The following DNAH14 variants were observed in gnomAD, a reference collection of about 807,000 sequenced individuals.
The protein encoded by DNAH14 is dynein axonemal heavy chain 14, also known as axonemal beta dynein heavy chain 14.
A neutral mutation model predicts 520.9 loss-of-function variants in DNAH14; 478 were observed. That is an observed-to-expected ratio of 0.92 (90% CI 0.85 to 0.99). The LOEUF is 0.99. Among genes scored for constraint, DNAH14 ranks in the 50% least tolerant of loss-of-function variants. The pLI is 0.00. For missense variants in DNAH14, 4,831 were observed against 5,234.5 expected, an observed-to-expected ratio of 0.92 and a Z score of 2.38; for synonymous variants, 1,581 against 1,757.2, an observed-to-expected ratio of 0.90 and a Z score of 2.51.
At chr1:225,197,924 A>G (rs2149381597) in intron 38 of DNAH14, among the ~76,000 whole-genome samples, 1 of 152,234 alleles carries the variant, frequency 6.6e-6, no homozygotes, top group East Asian at 1.9e-4. Flanking sequence ...TATCATTTCT[A>G]GGAGCGTTCT....
intron 64 of DNAH14, among the ~76,000 whole-genome samples, chr1:225,331,208 A>T (rs1332880739): frequency 6.6e-6 from 1 of 152,200 alleles, no homozygotes; most frequent in Non-Finnish European, 1.5e-5. Context: ...TGTAAAAAAA[A>T]AGCCTATTAA....
intron 27 of DNAH14, among the ~76,000 whole-genome samples, chr1:225,134,303 C>G (rs2078758192): frequency 6.6e-6 from 1 of 152,040 alleles, no homozygotes; most frequent in South Asian, 2.1e-4. Context: ...TGTTTTATGC[C>G]AGTTTTCAAA....
At chr1:225,030,438 G>T (rs546603546) in intron 11 of DNAH14, among the ~76,000 whole-genome samples, 1 of 151,734 alleles carries the variant, frequency 6.6e-6, no homozygotes, top group African/African-American at 2.4e-5. Context: ...TTTGGTTTCC[G>T]ATCTAAAGCA....
Position 224,982,313 on chromosome 1 carries a change from C to T in DNAH14, c.830+8160C>T, listed in dbSNP as rs139399262. 2.1e-3 allele frequency among the ~76,000 whole-genome samples: 321 copies of T among 152,300 alleles called. 1 individual carries two copies. The highest frequency in any genetic ancestry group is 7.4e-3 in the African/African-American group (307 of 41,560). On this transcript the variant is annotated intron_variant, in intron 8 of 85. Coordinates refer to ENST00000682510, the MANE Select transcript of DNAH14 (RefSeq NM_001367479.1). ...CTTGGTGTGCAGGCAGTCTGACACT[C>T]AGCTGGACTGGCAAAGCAGAATATC... is the stretch of plus-strand genomic sequence containing the variant.
intron 67 of DNAH14, among the ~76,000 whole-genome samples, chr1:225,337,827 G>A (rs1416244972): frequency 6.6e-6 from 1 of 151,974 alleles, no homozygotes; most frequent in Non-Finnish European, 1.5e-5. Context: ...TGGAGAATGG[G>A]GTATCCATCC....
At chr1:225,253,701 A>G (rs2092638359) in intron 44 of DNAH14, among the ~76,000 whole-genome samples, 1 of 152,086 alleles carries the variant, frequency 6.6e-6, no homozygotes, top group African/African-American at 2.4e-5. Context: ...TAATCAAGCT[A>G]TTTTCTAATG....
chr1:225,208,969 G>C (rs2087967341), intron 41 of DNAH14, among the ~76,000 whole-genome samples: 1 of 151,850 alleles, frequency 6.6e-6, no homozygotes, highest in Non-Finnish European at 1.5e-5. Context: ...CTCTCTTCTG[G>C]AATTCCCTCT....
chr1:225,266,577 C>T, intron 48 of DNAH14, 64 bp from the exon 49 acceptor site: 1 of 1,248,310 alleles, frequency 8.0e-7, no homozygotes, highest in Non-Finnish European at 1.0e-6. Context: ...CATAATATTC[C>T]TAATTCATAA....
At chr1:225,307,623 T>A in intron 59 of DNAH14, 54 bp downstream of exon 59, 1 of 1,358,136 alleles carries the variant, frequency 7.4e-7, no homozygotes, top group South Asian at 1.6e-5. Context: ...TATAGAACAG[T>A]GTTTGAAAGC....
chr1:225,263,254 A>G (rs1438893828), intron 46 of DNAH14, among the ~76,000 whole-genome samples: 4 of 151,262 alleles, frequency 2.6e-5, no homozygotes, highest in African/African-American at 9.7e-5. Flanking sequence ...ATATATATAC[A>G]TGTATATATA....
intron 35 of DNAH14, among the ~76,000 whole-genome samples, chr1:225,162,924 G>T (rs997553799): frequency 2.6e-5 from 4 of 151,894 alleles, no homozygotes; most frequent in Admixed American, 1.3e-4. Context: ...ATCACTTGAG[G>T]TCAGGAGTTC....
At chr1:225,324,650 T>C in intron 63 of DNAH14, 87 bp from the exon 64 acceptor site, 1 of 1,201,926 alleles carries the variant, frequency 8.3e-7, no homozygotes, top group South Asian at 1.4e-5. Context: ...AACAATTGAC[T>C]CTGTAAATGT....
At chr1:225,169,120 G>T (rs1215036091) in intron 36 of DNAH14, among the ~76,000 whole-genome samples, 1 of 152,080 alleles carries the variant, frequency 6.6e-6, no homozygotes, top group African/African-American at 2.4e-5. Context: ...AAACAGAAAG[G>T]ACATCCACAC....
chr1:224,962,606 G>T (rs1449567057), intron 4 of DNAH14, among the ~76,000 whole-genome samples: 1 of 152,130 alleles, frequency 6.6e-6, no homozygotes, highest in Admixed American at 6.6e-5. Flanking sequence ...CTAGATAAGG[G>T]CATGGTCAGC....
chr1:224,952,845 G>A (rs2060264235), intron 2 of DNAH14, 66 bp downstream of exon 2: 2 of 1,165,988 alleles, frequency 1.7e-6, no homozygotes, highest in Admixed American at 5.5e-5. Context: ...TATGGCTGGT[G>A]GTAAGCCATT....
intron 80 of DNAH14, among the ~76,000 whole-genome samples, chr1:225,381,071 C>T (rs2150750316): frequency 6.6e-6 from 1 of 152,186 alleles, no homozygotes; most frequent in East Asian, 1.9e-4. Context: ...TATGAAACTC[C>T]AATTTGAGTG....
intron 54 of DNAH14, among the ~76,000 whole-genome samples, chr1:225,285,634 A>T (rs1248727268): frequency 2.6e-5 from 4 of 152,016 alleles, no homozygotes. Context: ...ACACAGGAGG[A>T]TTGCCTGAGG....
chr1:225,073,284 C>T (rs2071778957), intron 17 of DNAH14, among the ~76,000 whole-genome samples: 2 of 151,910 alleles, frequency 1.3e-5, no homozygotes, highest in Admixed American at 6.6e-5. Flanking sequence ...CTCTAAAGCC[C>T]GAAGGCTGGT....
intron 17 of DNAH14, among the ~76,000 whole-genome samples, chr1:225,078,096 A>G (rs1265514058): frequency 6.6e-6 from 1 of 152,214 alleles, no homozygotes; most frequent in Non-Finnish European, 1.5e-5. Context: ...AATTACTTCA[A>G]GCATTTTATG....
Sources: allele counts gnomAD v4.1 joint callset (sites outside exome capture counted in the v4.1 genomes callset), GRCh38; gene constraint gnomAD v4.1.1; transcripts MANE v1.5; gene names NCBI Gene and HGNC (gene_info 2026-07-23, HGNC 2026-07-21).